The following AUTS2 variants were observed in gnomAD, a reference collection of about 807,000 sequenced individuals.
AUTS2 encodes autism susceptibility gene 2 protein.
Under a neutral mutation model 112.4 loss-of-function variants are expected in AUTS2, and 17 were observed. The observed-to-expected ratio is 0.15, with a 90% CI of 0.10 to 0.23. The LOEUF is 0.23. AUTS2 is among the 10% of genes least tolerant of loss of function. The pLI, the probability that AUTS2 is intolerant of heterozygous loss-of-function variation, is 1.00. For missense variants in AUTS2, 1,510 were observed against 1,701.6 expected, an observed-to-expected ratio of 0.89 and a Z score of 1.98; for synonymous variants, 751 against 702.7, an observed-to-expected ratio of 1.07 and a Z score of -1.09.
At chr7:70,682,129 G>A (rs749403905) in intron 5 of AUTS2, among the ~76,000 whole-genome samples, 23 of 152,164 alleles carry the variant, frequency 1.5e-4, no homozygotes, top group Non-Finnish European at 2.9e-4. Context: ...CATGGCCCGC[G>A]CCACCTCAGC....
intron 5 of AUTS2, among the ~76,000 whole-genome samples, chr7:70,691,984 G>A (rs556346433): frequency 2.6e-5 from 4 of 151,024 alleles, no homozygotes; most frequent in South Asian, 4.2e-4. Flanking sequence ...AGGTTCAAGC[G>A]ATTCTCCTGC....
At chr7:70,240,688 G>A (rs1812564986) in intron 4 of AUTS2, among the ~76,000 whole-genome samples, 2 of 152,144 alleles carry the variant, frequency 1.3e-5, no homozygotes, top group Non-Finnish European at 1.5e-5. Flanking sequence ...TATAGCATGT[G>A]CAATATGGTA....
chr7:70,619,739 C>T (rs1300027386), intron 5 of AUTS2, among the ~76,000 whole-genome samples: 1 of 152,004 alleles, frequency 6.6e-6, no homozygotes, highest in Non-Finnish European at 1.5e-5. Flanking sequence ...AGGAAGGATC[C>T]GACCCCTTTT....
chr7:69,611,936 C>CAAAAAAAAAA (rs896215968), intron 1 of AUTS2, among the ~76,000 whole-genome samples: 2 of 85,764 alleles, frequency 2.3e-5, no homozygotes, highest in Non-Finnish European at 4.3e-5. Context: ...GACTCCGTCT[C>CAAAAAAAAAA]AAAAAAAAAA....
chr7:69,989,472 G>A (rs1345373016), intron 2 of AUTS2, among the ~76,000 whole-genome samples: 2 of 152,156 alleles, frequency 1.3e-5, no homozygotes, highest in Non-Finnish European at 2.9e-5. Flanking sequence ...AATTTCTAGT[G>A]TAGAGCCTGA....
intron 4 of AUTS2, among the ~76,000 whole-genome samples, chr7:70,251,654 T>C (rs1214563178): frequency 6.6e-6 from 1 of 152,218 alleles, no homozygotes; most frequent in Non-Finnish European, 1.5e-5. Context: ...ACTGTCATAA[T>C]TTCTGTACTA....
chr7:70,390,944 A>G (rs560111460), intron 4 of AUTS2, among the ~76,000 whole-genome samples: 1 of 152,228 alleles, frequency 6.6e-6, no homozygotes, highest in South Asian at 2.1e-4. Context: ...ATACACTCCA[A>G]AGTTTGAGAA....
At chr7:70,229,762 C>T (rs941353068) in intron 4 of AUTS2, among the ~76,000 whole-genome samples, 2 of 149,748 alleles carry the variant, frequency 1.3e-5, no homozygotes, top group African/African-American at 5.0e-5. Context: ...TTCATTTTTT[C>T]CCCCTGTTCT....
intron 1 of AUTS2, among the ~76,000 whole-genome samples, chr7:69,630,677 A>T (rs750802633): frequency 2.0e-4 from 30 of 152,344 alleles, no homozygotes; most frequent in Non-Finnish European, 3.7e-4. Context: ...TTCTTTAGCA[A>T]CATATTAGGA....
chr7:70,428,910 G>A (rs1795538279), intron 4 of AUTS2, among the ~76,000 whole-genome samples: 1 of 152,142 alleles, frequency 6.6e-6, no homozygotes, highest in South Asian at 2.1e-4. Context: ...TTGGACCAGA[G>A]TCTTAAAACA....
intron 5 of AUTS2, among the ~76,000 whole-genome samples, chr7:70,677,638 GTC>G (rs1257146461): frequency 6.6e-6 from 1 of 151,940 alleles, no homozygotes; most frequent in African/African-American, 2.4e-5. Context: ...TCCCAGGCTG[GTC>G]TCGAACTTCT....
chr7:69,724,103 C>A (rs1786382925), intron 1 of AUTS2, among the ~76,000 whole-genome samples: 1 of 152,142 alleles, frequency 6.6e-6, no homozygotes, highest in Non-Finnish European at 1.5e-5. Context: ...GGAAAAAAAT[C>A]ACCGAACTGG....
intron 5 of AUTS2, among the ~76,000 whole-genome samples, chr7:70,528,106 T>TTA (rs1554421872): frequency 0.031 from 1,968 of 62,552 alleles, 52 homozygotes; most frequent in African/African-American, 0.093. Flanking sequence ...TTTTTTTTTT[T>TTA]TTTTTTTTTT....
intron 2 of AUTS2, among the ~76,000 whole-genome samples, chr7:69,985,227 T>TGAA (rs1470693399): frequency 2.9e-5 from 3 of 104,714 alleles, no homozygotes; most frequent in African/African-American, 1.1e-4. Flanking sequence ...GAAGACTCTC[T>TGAA]AAAAAAAAAA....
intron 1 of AUTS2, among the ~76,000 whole-genome samples, chr7:69,814,452 C>T (rs546043886): frequency 3.9e-4 from 59 of 152,294 alleles, no homozygotes; most frequent in Non-Finnish European, 6.6e-4. Context: ...AAGTCTGTGG[C>T]CGGCAGGGTG....
chr7:70,714,236 A>G (rs921729561), intron 6 of AUTS2, among the ~76,000 whole-genome samples: 2 of 152,210 alleles, frequency 1.3e-5, no homozygotes, highest in Non-Finnish European at 2.9e-5. Flanking sequence ...AAATGTAGAA[A>G]TGAACCCCCA....
At chr7:69,753,593 T>C (rs1451911422) in intron 1 of AUTS2, among the ~76,000 whole-genome samples, 4 of 152,168 alleles carry the variant, frequency 2.6e-5, no homozygotes, top group Admixed American at 1.3e-4. Flanking sequence ...GAGGGTGCAA[T>C]ATGGGTAATG....
intron 5 of AUTS2, among the ~76,000 whole-genome samples, chr7:70,605,544 C>CTTTTT (rs760981505): frequency 2.5e-5 from 1 of 40,526 alleles, no homozygotes; most frequent in Non-Finnish European, 4.2e-5. Context: ...TTCCTTCTTT[C>CTTTTT]TCTTTTTTTT....
intron 1 of AUTS2, among the ~76,000 whole-genome samples, chr7:69,763,229 T>C (rs1458320640): frequency 6.6e-6 from 1 of 152,214 alleles, no homozygotes; most frequent in Non-Finnish European, 1.5e-5. Flanking sequence ...GTAATGCCTC[T>C]GCTGTGCTGA....
Sources: gnomAD v4.1 joint callset for allele counts (sites outside exome capture counted in the v4.1 genomes callset) on GRCh38, gnomAD v4.1.1 for gene constraint, MANE v1.5 for transcripts, NCBI Gene and HGNC (gene_info 2026-07-23, HGNC 2026-07-21) for gene names.